The following DMXL2 variants were observed in gnomAD, a reference collection of about 807,000 sequenced individuals.
The protein encoded by DMXL2 is Dmx like 2.
DMXL2 carries 103 observed loss-of-function variants against 331.1 expected under a neutral mutation model. That is an observed-to-expected ratio of 0.31 (90% CI 0.27 to 0.37). The LOEUF is 0.37. Ranked by LOEUF, DMXL2 falls within the 10% of genes least tolerant of loss-of-function variation. DMXL2 has a pLI of 1.00. For missense variants in DMXL2, 3,171 were observed against 3,642.9 expected (o/e 0.87, Z 3.33); for synonymous variants, 1,281 against 1,252.1 (o/e 1.02, Z -0.49).
At chr15:51,518,494 G>A (rs2047161927) in intron 13 of DMXL2, among the ~76,000 whole-genome samples, 1 of 152,108 alleles carries the variant, frequency 6.6e-6, no homozygotes, top group South Asian at 2.1e-4. Flanking sequence ...CAGCAGTGAT[G>A]GGAAGCTTTT....
Position 51,507,200 on chromosome 15 carries a change from C to G in DMXL2, c.2698G>C (p.Asp900His), listed in dbSNP as rs2046456699. 1.2e-6 allele frequency: 2 copies of G among 1,610,936 alleles called. No homozygotes were observed. The highest frequency in any genetic ancestry group is 1.7e-5 in the Admixed American group (1 of 59,906). Residue 900 changes from aspartate to histidine, a missense_variant, in exon 16 of 44, where the codon GAC becomes CAC. By Grantham distance (81) the Asp-to-His change is moderately conservative. Around this residue, in one of 7 missense-constraint regions of DMXL2, gnomAD observed 1,674 missense variants for 1,780.2 expected, o/e 0.94. Transcript: ENST00000560891. Reference sequence around the variant, plus strand: ...TGCAGAATAGAGTTATTATTGCTGTCCTTCTCAATTACTACTAGAAAGAAC... The same window carrying G: ...TGCAGAATAGAGTTATTATTGCTGTGCTTCTCAATTACTACTAGAAAGAAC... Reference protein sequence around the residue: ...EKFFLVVIEKDSNNNSILHMW... With the variant: ...EKFFLVVIEKHSNNNSILHMW...
Position 51,474,555 on chromosome 15 carries a change from T to C in DMXL2, c.7002A>G (p.Gln2334=). 5 of 1,614,112 alleles carry C rather than the reference T, an allele frequency of 3.1e-6. No homozygotes were observed. Among genetic ancestry groups the C allele is most frequent in the Non-Finnish European group, 4.2e-6 (5 of 1,179,988 alleles). The change falls in exon 28 of 44, where the codon CAA becomes CAG. Residue 2334 remains glutamine (Q), a synonymous_variant. Coordinates refer to ENST00000560891, the MANE Select transcript of DMXL2 (RefSeq NM_001378457.1). ...TGTTCAGTTTTGGCTGGTCTTCATC[T>C]TGGGCTGAACTCAAAAGATTAATAA... ...SSLINLLSSA[Q]DEDQPKLNIL...
chr15:51,609,925 A>C (rs955931594), intron 1 of DMXL2, among the ~76,000 whole-genome samples: 5 of 121,700 alleles, frequency 4.1e-5, no homozygotes, highest in African/African-American at 8.7e-5. Context: ...AGTGAAAGTC[A>C]GTCTTAAAAA....
chr15:51,461,538 C>A (rs2140250513), intron 33 of DMXL2, among the ~76,000 whole-genome samples: 2 of 152,264 alleles, frequency 1.3e-5, no homozygotes, highest in Non-Finnish European at 2.9e-5. Context: ...AATAACAGAG[C>A]CCCTAATTGA....
intron 1 of DMXL2, among the ~76,000 whole-genome samples, chr15:51,596,687 A>T (rs1286269714): frequency 6.6e-6 from 1 of 152,222 alleles, no homozygotes; most frequent in African/African-American, 2.4e-5. Context: ...TCCAACAATG[A>T]TAGACTGGAT....
chr15:51,515,931 G>T (rs1040384774), intron 14 of DMXL2, among the ~76,000 whole-genome samples: 1 of 152,128 alleles, frequency 6.6e-6, no homozygotes, highest in Admixed American at 6.6e-5. Context: ...GAAGAAAGGT[G>T]GGGCACTGGG....
At chr15:51,522,686 C>A (rs1241974717) in intron 13 of DMXL2, among the ~76,000 whole-genome samples, 1 of 152,026 alleles carries the variant, frequency 6.6e-6, no homozygotes, top group Admixed American at 6.6e-5. Context: ...ACAAACAAGC[C>A]AAACTTAGGA....
intron 22 of DMXL2, 45 bp downstream of exon 22, chr15:51,487,909 T>G (rs2042516163): frequency 6.9e-7 from 1 of 1,459,572 alleles, no homozygotes. Flanking sequence ...TTCTTAGGTT[T>G]TCAATCTTTT....
At chr15:51,535,576 G>A in intron 13 of DMXL2, 87 bp downstream of exon 13, 1 of 1,243,334 alleles carries the variant, frequency 8.0e-7, no homozygotes, top group Non-Finnish European at 1.1e-6. Flanking sequence ...TCCCTAAACA[G>A]CAACTAACAA....
intron 31 of DMXL2, among the ~76,000 whole-genome samples, chr15:51,465,150 C>T (rs940462975): frequency 2.6e-5 from 4 of 152,154 alleles, no homozygotes; most frequent in Non-Finnish European, 5.9e-5. Context: ...AATCTCAGCA[C>T]TTTAGGAGGC....
At chr15:51,602,067 A>G (rs1314783029) in intron 1 of DMXL2, among the ~76,000 whole-genome samples, 2 of 152,196 alleles carry the variant, frequency 1.3e-5, no homozygotes, top group Non-Finnish European at 2.9e-5. Flanking sequence ...TAAAACATAA[A>G]CAGAAAGCAC....
At chr15:51,453,731 T>C in intron 40 of DMXL2, 90 bp from the exon 41 acceptor site, 1 of 1,009,618 alleles carries the variant, frequency 9.9e-7, no homozygotes, top group Non-Finnish European at 1.5e-6. Flanking sequence ...TAACATACTA[T>C]ATGCATGAGC....
intron 1 of DMXL2, among the ~76,000 whole-genome samples, chr15:51,601,365 A>T (rs570944253): frequency 6.6e-6 from 1 of 151,484 alleles, no homozygotes; most frequent in East Asian, 1.9e-4. Context: ...TTTCCTCTAC[A>T]TGTATTCCTC....
intron 6 of DMXL2, among the ~76,000 whole-genome samples, chr15:51,558,627 T>A (rs1055727742): frequency 1.3e-5 from 2 of 152,208 alleles, no homozygotes; most frequent in African/African-American, 4.8e-5. Flanking sequence ...ATATTGTTCA[T>A]GCAACCGTTA....
At chr15:51,489,924 T>A (rs2042673301) in intron 20 of DMXL2, among the ~76,000 whole-genome samples, 1 of 152,234 alleles carries the variant, frequency 6.6e-6, no homozygotes, top group African/African-American at 2.4e-5. Context: ...TTATCACAGA[T>A]AATCATAATG....
chr15:51,548,196 A>T lies in DMXL2; in HGVS notation c.568-788T>A, dbSNP rs552009845. On this transcript the variant is annotated intron_variant, in intron 6 of 43. Coordinates refer to ENST00000560891, the MANE Select transcript of DMXL2 (RefSeq NM_001378457.1). ...TCTTTTATAGTGCTTTATAACCAAT[A>T]ATAAAAACTGCATTAAAGGGAAATA... 1.1e-4 allele frequency among the ~76,000 whole-genome samples: 16 copies of T among 152,274 alleles called. No homozygotes were observed. The South Asian group carries it at 1.4e-3, about 14-fold the overall frequency.
rs573139448 is a variant in DMXL2, at chr15:51,509,112, G to A, written c.2645-1859C>T. On this transcript the variant is annotated intron_variant, in intron 15 of 43. Transcript: ENST00000560891. ...ACCCAGATCTAATCAAGTCTGTAGAGCTAACTTCCACTGTACAGGCAATAC... is the reference window on the plus strand; with the variant it reads ...ACCCAGATCTAATCAAGTCTGTAGAACTAACTTCCACTGTACAGGCAATAC... Among the ~76,000 whole-genome samples, 9 of 151,872 alleles carry A rather than the reference G, an allele frequency of 5.9e-5. No individual in the cohort carries two copies. The East Asian group carries it at 1.5e-3, about 26-fold the overall frequency.
intron 29 of DMXL2, among the ~76,000 whole-genome samples, chr15:51,470,769 C>G (rs1417992371): frequency 6.6e-6 from 1 of 152,022 alleles, no homozygotes; most frequent in Non-Finnish European, 1.5e-5. Flanking sequence ...CATGAGTATT[C>G]TGATCCCCTG....
At chr15:51,593,072 C>T (rs1055181912) in intron 1 of DMXL2, among the ~76,000 whole-genome samples, 10 of 152,080 alleles carry the variant, frequency 6.6e-5, no homozygotes, top group African/African-American at 2.4e-4. Context: ...CAATATTAAC[C>T]TTAAATGTAA....
Sources: allele counts gnomAD v4.1 joint callset (sites outside exome capture counted in the v4.1 genomes callset), GRCh38; gene constraint gnomAD v4.1.1; regional missense constraint gnomAD v4.1.1; transcripts MANE v1.5; gene names NCBI Gene and HGNC (gene_info 2026-07-23, HGNC 2026-07-21).